Variants in IGSF21 observed in about 807,000 individuals in gnomAD.
IGSF21 encodes immunoglobin superfamily member 21.
A neutral mutation model predicts 46.8 loss-of-function variants in IGSF21; 28 were observed. That is an observed-to-expected ratio of 0.60 (90% CI 0.44 to 0.82). IGSF21 has a LOEUF of 0.82. IGSF21 is among the 40% of genes least tolerant of loss of function. IGSF21 has a pLI of 0.00. For missense variants in IGSF21, 624 were observed against 665.5 expected, an observed-to-expected ratio of 0.94 and a Z score of 0.69; for synonymous variants, 284 against 273.6, an observed-to-expected ratio of 1.04 and a Z score of -0.38.
chr1:18,161,142 C>T (rs2086617531), intron 1 of IGSF21, among the ~76,000 whole-genome samples: 1 of 152,094 alleles, frequency 6.6e-6, no homozygotes, highest in Non-Finnish European at 1.5e-5. Flanking sequence ...GAAAGAAAAC[C>T]CCGTGACTCG....
At chr1:18,202,150 CT>C (rs2087081859) in intron 1 of IGSF21, among the ~76,000 whole-genome samples, 1 of 152,270 alleles carries the variant, frequency 6.6e-6, no homozygotes, top group African/African-American at 2.4e-5. Flanking sequence ...TTATCATGTA[CT>C]TTCCTAATGT....
chr1:18,153,753 A>G (rs1377040374), intron 1 of IGSF21, among the ~76,000 whole-genome samples: 1 of 151,982 alleles, frequency 6.6e-6, no homozygotes. Flanking sequence ...ACACGAAGGG[A>G]CCAGGACTTG....
intron 1 of IGSF21, among the ~76,000 whole-genome samples, chr1:18,120,452 G>A (rs948749680): frequency 6.6e-6 from 1 of 152,188 alleles, no homozygotes; most frequent in Non-Finnish European, 1.5e-5. Flanking sequence ...CCTCCAAAGT[G>A]CAGAGCTGGT....
At chr1:18,342,130 G>C (rs1219164597) in intron 4 of IGSF21, among the ~76,000 whole-genome samples, 4 of 148,428 alleles carry the variant, frequency 2.7e-5, no homozygotes, top group Non-Finnish European at 5.9e-5. Context: ...GTCTTGCTCT[G>C]TCCCCCAGGC....
chr1:18,156,325 C>T (rs1165845907), intron 1 of IGSF21, among the ~76,000 whole-genome samples: 1 of 152,210 alleles, frequency 6.6e-6, no homozygotes, highest in Non-Finnish European at 1.5e-5. Flanking sequence ...CTGGGCACTC[C>T]TCGCTGGCCA....
At chr1:18,200,563 C>G (rs932534859) in intron 1 of IGSF21, among the ~76,000 whole-genome samples, 1 of 152,158 alleles carries the variant, frequency 6.6e-6, no homozygotes, top group Non-Finnish European at 1.5e-5. Flanking sequence ...CATCACGTGG[C>G]CTGCTCCCTC....
In IGSF21 at chr1:18,365,255, C is replaced by A. The variant is rs200202176; in HGVS notation, c.573C>A (p.Asp191Glu). Reference protein sequence around the residue: ...VYFKRDGEPIDAVPLSEPPAA... With the variant: ...VYFKRDGEPIEAVPLSEPPAA... The stretch of plus-strand genomic sequence containing the variant: ...TCAAACGAGATGGGGAACCAATCGA[C>A]GCAGTGCCCCTATCAGAGCCACCAG... Residue 191 changes from aspartate (D) to glutamate (E), a missense_variant, in exon 6 of 10, where the codon GAC becomes GAA. Transcript: ENST00000251296. This position sits in a 1 kb window ranked among gnomAD's most constrained non-coding sequence, Gnocchi z 4.8. The A allele has an allele frequency of 8.7e-6, 14 of 1,610,774 alleles. No homozygotes were observed. The highest frequency in any genetic ancestry group is 1.1e-5 in the Non-Finnish European group (13 of 1,178,160).
intron 2 of IGSF21, among the ~76,000 whole-genome samples, chr1:18,235,448 G>A (rs2084664040): frequency 1.3e-5 from 2 of 152,164 alleles, no homozygotes; most frequent in South Asian, 4.1e-4. Flanking sequence ...TCGAGTGGTG[G>A]GATAGAAAGA....
chr1:18,319,167 C>T (rs2085574371), intron 3 of IGSF21, among the ~76,000 whole-genome samples: 1 of 152,232 alleles, frequency 6.6e-6, no homozygotes, highest in Non-Finnish European at 1.5e-5. Context: ...CTCCTTCCCT[C>T]TTGATGTTCC....
In IGSF21 at chr1:18,339,681, C is replaced by T. The variant is rs772592252; in HGVS notation, c.424+4671C>T. ...TAAAGGCTGCAGTGAGCTGAGATCA[C>T]GCCACTGCTTTCTAGCCTGGGCAAC... On this transcript the variant is annotated intron_variant, in intron 4 of 9. Coordinates refer to ENST00000251296, the MANE Select transcript of IGSF21 (RefSeq NM_032880.5). Among the ~76,000 whole-genome samples, 7 of 152,184 alleles carry T rather than the reference C, an allele frequency of 4.6e-5. No individual in the cohort carries two copies. In the East Asian group the frequency reaches 9.6e-4, roughly 21 times the overall value.
chr1:18,241,288 C>T (rs956253028), intron 2 of IGSF21, among the ~76,000 whole-genome samples: 1 of 152,164 alleles, frequency 6.6e-6, no homozygotes, highest in Non-Finnish European at 1.5e-5. Flanking sequence ...CCTGGTGTTG[C>T]CATACAGGAC....
intron 2 of IGSF21, among the ~76,000 whole-genome samples, chr1:18,264,959 G>T (rs1485507637): frequency 6.6e-6 from 1 of 152,224 alleles, no homozygotes; most frequent in Non-Finnish European, 1.5e-5. Flanking sequence ...ACAAATAGCA[G>T]CTATTACAGT....
chr1:18,205,793 T>C (rs1461650251), intron 1 of IGSF21, among the ~76,000 whole-genome samples: 2 of 152,222 alleles, frequency 1.3e-5, no homozygotes, highest in Non-Finnish European at 2.9e-5. Flanking sequence ...CTGTCAGGGA[T>C]TCGTGAGAAA....
chr1:18,330,939 G>A lies in IGSF21; in HGVS notation c.306-3953G>A, dbSNP rs529191596. Among the ~76,000 whole-genome samples, 53 of 152,168 alleles carry A rather than the reference G, an allele frequency of 3.5e-4. 1 individual carries two copies. Among genetic ancestry groups the A allele is most frequent in the Middle Eastern group, 6.8e-3 (2 of 294 alleles). ...ATCAATTAACCTACATGGATACATC[G>A]TTACCACCCGAAATCCGTAGTTCAC... On this transcript the variant is annotated intron_variant, in intron 3 of 9. Transcript: ENST00000251296.
intron 1 of IGSF21, among the ~76,000 whole-genome samples, chr1:18,200,336 A>G (rs12057787): frequency 0.023 from 3,496 of 152,314 alleles, 154 homozygotes; most frequent in African/African-American, 0.078. Flanking sequence ...TTAGTTTCCT[A>G]GGACTGCTGT....
intron 2 of IGSF21, among the ~76,000 whole-genome samples, chr1:18,233,757 G>A (rs1407183844): frequency 6.6e-6 from 1 of 152,120 alleles, no homozygotes; most frequent in African/African-American, 2.4e-5. Flanking sequence ...GCATTCCCAA[G>A]GGATATGGGC....
chr1:18,297,465 G>C (rs975192710), intron 3 of IGSF21, among the ~76,000 whole-genome samples: 1 of 152,068 alleles, frequency 6.6e-6, no homozygotes, highest in Non-Finnish European at 1.5e-5. Flanking sequence ...ACCTGCTTTC[G>C]GGAGGTTTCT....
At chr1:18,241,081 C>A (rs1046227577) in intron 2 of IGSF21, among the ~76,000 whole-genome samples, 4 of 152,104 alleles carry the variant, frequency 2.6e-5, no homozygotes, top group Admixed American at 1.3e-4. Context: ...AGTGCCCCAC[C>A]CTTGAGTGAA....
At chr1:18,126,661 C>T (rs986257683) in intron 1 of IGSF21, among the ~76,000 whole-genome samples, 5 of 152,176 alleles carry the variant, frequency 3.3e-5, no homozygotes, top group African/African-American at 1.2e-4. Context: ...TCTCCTCTGC[C>T]AGCCCAACTG....
Sources: allele counts gnomAD v4.1 joint callset (sites outside exome capture counted in the v4.1 genomes callset), GRCh38; gene constraint gnomAD v4.1.1; non-coding constraint Gnocchi (gnomAD v3.1); transcripts MANE v1.5; gene names NCBI Gene and HGNC (gene_info 2026-07-23, HGNC 2026-07-21).